The following NOL9 variants were observed in gnomAD, a reference collection of about 807,000 sequenced individuals.
The protein encoded by NOL9 is polynucleotide 5'-hydroxyl-kinase NOL9.
NOL9 carries 28 observed loss-of-function variants against 67.9 expected under a neutral mutation model. The ratio of observed to expected loss-of-function variants is 0.41; its 90% CI spans 0.31 to 0.57. The LOEUF is 0.57. NOL9 is among the 20% of genes least tolerant of loss of function. NOL9 has a pLI of 0.25. For missense variants in NOL9, 777 were observed against 897.0 expected (o/e 0.87, Z 1.71); for synonymous variants, 356 against 352.2 (o/e 1.01, Z -0.12).
intron 5 of NOL9, among the ~76,000 whole-genome samples, chr1:6,543,433 G>C (rs1257390181): frequency 2.0e-5 from 3 of 151,922 alleles, no homozygotes; most frequent in Admixed American, 2.0e-4. Context: ...CTGACCTCGT[G>C]ATCTGCCCGC....
In NOL9 at chr1:6,554,095, C is replaced by G. The variant is rs1159301197; in HGVS notation, c.396+12G>C. 2 of 1,514,550 alleles carry G rather than the reference C, an allele frequency of 1.3e-6. No homozygotes were observed. The highest frequency in any genetic ancestry group is 4.2e-5 in the Admixed American group (2 of 47,920). The allele number at this position is 1,514,550 out of a possible 1,614,324, so 93.8% of individuals were successfully genotyped here. A position where few individuals can be genotyped will look rare whatever the true frequency, so the allele number is the denominator to read the frequency against. ...CTGCCCTCGGGGACTACTACCGGCG[C>G]CCCCCACCTACCTGCTCGACCGGCA... On this transcript the variant is annotated intron_variant, in intron 1 of 11. Transcript: ENST00000377705.
chr1:6,534,529 C>T (rs1158926429), intron 6 of NOL9, among the ~76,000 whole-genome samples: 13 of 152,092 alleles, frequency 8.5e-5, no homozygotes, highest in East Asian at 1.9e-4. Context: ...ATGGGAGCTG[C>T]GAATTCAGCC....
chr1:6,533,498 C>T, intron 6 of NOL9, 57 bp from the exon 7 acceptor site: 1 of 1,316,514 alleles, frequency 7.6e-7, no homozygotes, highest in South Asian at 1.8e-5. Context: ...ATCCTGGCTA[C>T]TTAAAAGGTG....
intron 6 of NOL9, among the ~76,000 whole-genome samples, chr1:6,535,519 G>C (rs966453800): frequency 6.6e-6 from 1 of 152,188 alleles, no homozygotes; most frequent in African/African-American, 2.4e-5. Flanking sequence ...AGACAGACAG[G>C]TCCTAGGAGG....
rs576125255 is a variant in NOL9, at chr1:6,527,846, G to A, written c.1826-1017C>T. ...CTCAGGAGGCTGAGACAGAAGAATC[G>A]TTTGAACCTGGGAGGTGGAGGTTGC... On this transcript the variant is annotated intron_variant, in intron 10 of 11. Transcript: ENST00000377705. Among the ~76,000 whole-genome samples the A allele has an allele frequency of 2.2e-4, 33 of 152,174 alleles. 1 individual carries two copies. In the South Asian group the frequency reaches 2.5e-3, roughly 11 times the overall value.
intron 6 of NOL9, among the ~76,000 whole-genome samples, chr1:6,538,318 G>A (rs1306617978): frequency 6.6e-6 from 1 of 152,100 alleles, no homozygotes; most frequent in African/African-American, 2.4e-5. Flanking sequence ...TTAATATAAA[G>A]AACTACTATT....
intron 6 of NOL9, among the ~76,000 whole-genome samples, chr1:6,540,286 C>T (rs1639254322): frequency 1.3e-5 from 2 of 151,896 alleles, no homozygotes; most frequent in African/African-American, 4.8e-5. Context: ...CTACGCCTGG[C>T]TAATTTTTTG....
At chr1:6,543,634 C>T (rs929345835) in intron 5 of NOL9, among the ~76,000 whole-genome samples, 4 of 152,112 alleles carry the variant, frequency 2.6e-5, no homozygotes, top group African/African-American at 4.8e-5. Flanking sequence ...CAAAGTGCTG[C>T]GACTGCAGAT....
chr1:6,551,012 A>C (rs886811443), intron 1 of NOL9, among the ~76,000 whole-genome samples: 1 of 152,174 alleles, frequency 6.6e-6, no homozygotes, highest in African/African-American at 2.4e-5. Context: ...TGCTATTCAC[A>C]CATCAAAAGG....
intron 6 of NOL9, among the ~76,000 whole-genome samples, chr1:6,534,147 A>G (rs1191827484): frequency 6.6e-6 from 1 of 152,156 alleles, no homozygotes; most frequent in African/African-American, 2.4e-5. Flanking sequence ...TCAGCCTCCC[A>G]AAGTGCTGGG....
intron 6 of NOL9, among the ~76,000 whole-genome samples, chr1:6,534,277 G>A (rs118175823): frequency 2.6e-5 from 4 of 152,170 alleles, no homozygotes; most frequent in Admixed American, 6.5e-5. Context: ...ACTTGAACAA[G>A]GTCAGCCAGT....
chr1:6,544,612 G>A (rs929607465), intron 5 of NOL9, among the ~76,000 whole-genome samples: 1 of 127,698 alleles, frequency 7.8e-6, no homozygotes, highest in South Asian at 2.4e-4. Flanking sequence ...CCTCTTGGAA[G>A]TCTGCCTGCA....
intron 1 of NOL9, among the ~76,000 whole-genome samples, chr1:6,553,112 C>T (rs1186466017): frequency 6.6e-6 from 1 of 152,144 alleles, no homozygotes; most frequent in African/African-American, 2.4e-5. Context: ...GCGCCTGGCC[C>T]ATACTTTATA....
chr1:6,531,066 T>C (rs1313985363), intron 9 of NOL9, among the ~76,000 whole-genome samples: 1 of 152,190 alleles, frequency 6.6e-6, no homozygotes, highest in Non-Finnish European at 1.5e-5. Context: ...ATTTCAGAAG[T>C]GCTACCTGCC....
In NOL9 at chr1:6,523,972, T is replaced by C. The variant is rs921616711; in HGVS notation, c.*1882A>G. On this transcript the variant is annotated 3_prime_UTR_variant, in exon 12 of 12. Transcript: ENST00000377705. ...TGCTGCAAATGACCTCCAGTGAGTA[T>C]AACTGTAAGATACACGAAAGTGGAG... 2.6e-5 allele frequency: 4 copies of C among 152,224 alleles called. No homozygotes were observed. The highest frequency in any genetic ancestry group is 7.2e-5 in the African/African-American group (3 of 41,452). The allele number at this position is 152,224 out of a possible 1,614,324, so 9.4% of individuals were successfully genotyped here. A position where few individuals can be genotyped will look rare whatever the true frequency, so the allele number is the denominator to read the frequency against.
intron 6 of NOL9, among the ~76,000 whole-genome samples, chr1:6,540,313 G>A (rs1235734353): frequency 6.6e-6 from 1 of 151,490 alleles, no homozygotes; most frequent in Non-Finnish European, 1.5e-5. Context: ...TAGTAGAGAC[G>A]GGGTTTCACC....
Position 6,529,161 on chromosome 1 carries a change from T to C in NOL9, c.1658A>G (p.Asn553Ser), listed in dbSNP as rs746575456. 34 of 1,612,852 alleles carry C rather than the reference T, an allele frequency of 2.1e-5. No individual in the cohort carries two copies. The highest frequency in any genetic ancestry group is 2.8e-5 in the Non-Finnish European group (33 of 1,179,102). The change falls in exon 10 of 12, where the codon AAT becomes AGT. Residue 553 changes from asparagine to serine, a missense_variant. Asn to Ser is a conservative substitution (Grantham distance 46, BLOSUM62 1). Coordinates refer to ENST00000377705, the MANE Select transcript of NOL9 (RefSeq NM_024654.5). ...HSLTPYQVPFNAVALRITHSD... is the reference protein window; with the variant it reads ...HSLTPYQVPFSAVALRITHSD... ...GTGGGTAATCCGGAGTGCGACTGCATTGAAAGGGACCTGGAAAATGAATTT... is the reference window on the plus strand; with the variant it reads ...GTGGGTAATCCGGAGTGCGACTGCACTGAAAGGGACCTGGAAAATGAATTT...
intron 7 of NOL9, 67 bp downstream of exon 7, chr1:6,533,213 A>G: frequency 1.4e-6 from 2 of 1,455,090 alleles, no homozygotes; most frequent in South Asian, 2.8e-5. Flanking sequence ...CTTTAACGTG[A>G]ATGTCTGAAA....
Position 6,550,261 on chromosome 1 carries a change from G to C in NOL9, c.616+135C>G. The C allele has an allele frequency of 4.3e-6, 3 of 695,736 alleles. No homozygotes were observed. In the East Asian group the frequency reaches 8.3e-5, roughly 19 times the overall value. 43.1% of individuals were successfully genotyped at this position (695,736 alleles called of 1,614,324 possible). ...TTAGCCAGGATGGTCTCGATCTCCT[G>C]ACCTCATGATCCGCCCGCCTTGGCC... is the stretch of plus-strand genomic sequence containing the variant. On this transcript the variant is annotated intron_variant, in intron 2 of 11. Coordinates refer to ENST00000377705, the MANE Select transcript of NOL9 (RefSeq NM_024654.5).
Sources: gnomAD v4.1 joint callset for allele counts (sites outside exome capture counted in the v4.1 genomes callset) on GRCh38, gnomAD v4.1.1 for gene constraint, MANE v1.5 for transcripts, NCBI Gene and HGNC (gene_info 2026-07-23, HGNC 2026-07-21) for gene names.